Variants in EMP2 observed in about 807,000 individuals in gnomAD.
The protein encoded by EMP2 is epithelial membrane protein 2.
A neutral mutation model predicts 13.7 loss-of-function variants in EMP2; 19 were observed. That is an observed-to-expected ratio of 1.38 (90% CI 0.97 to 2.03). The LOEUF (loss-of-function observed/expected upper bound fraction) is 2.03. EMP2 is among the 30% of genes most tolerant of loss of function. The probability of loss-of-function intolerance (pLI) is 0.00; values close to 1 mark genes in which losing one functional copy is unlikely to be tolerated. For missense variants in EMP2, 253 were observed against 220.7 expected (o/e 1.15, Z -0.93); for synonymous variants, 97 against 84.7 (o/e 1.15, Z -0.80).
At chr16:10,573,942 T>TG (rs2050964972) in intron 1 of EMP2, among the ~76,000 whole-genome samples, 5 of 141,260 alleles carry the variant, frequency 3.5e-5, no homozygotes, top group African/African-American at 1.1e-4. Context: ...TTTTTTTTTT[T>TG]TTTTTTTTTT....
Position 10,531,348 on chromosome 16 carries a change from T to C in EMP2, c.*1557A>G, listed in dbSNP as rs367727964. 3.9e-5 allele frequency: 6 copies of C among 153,288 alleles called. No individual in the cohort carries two copies. In the Middle Eastern group the frequency reaches 0.017, roughly 429 times the overall value. The allele number at this position is 153,288 out of a possible 1,614,324, so 9.5% of individuals were successfully genotyped here. A position where few individuals can be genotyped will look rare whatever the true frequency, so the allele number is the denominator to read the frequency against. ...TAGTTTCTTTTCTTTTTTTTCTTTT[T>C]TTGAGATGGAGTCTCACTCTGTCAC... On this transcript the variant is annotated 3_prime_UTR_variant, in exon 5 of 5. Coordinates refer to ENST00000359543, the MANE Select transcript of EMP2 (RefSeq NM_001424.6).
At position 10,533,014 on chromosome 16, in the gene EMP2, G is replaced by C. The variant is rs141680568; in HGVS notation, c.395C>G (p.Pro132Arg). 15 of 1,611,398 alleles carry C rather than the reference G, an allele frequency of 9.3e-6. No homozygotes were observed. The African/African-American group carries it at 1.9e-4, about 20-fold the overall frequency. Residue 132 changes from proline to arginine, a missense_variant, in exon 5 of 5, where the codon CCC (proline) becomes CGC (arginine). Transcript: ENST00000359543. ...GCCGTAGCTGCCTTCTCTGGTCACG[G>C]GATAGAATTTCGCGTTTTTGTCGTG... Reference protein sequence around the residue: ...DIHDKNAKFYPVTREGSYGYS... With the variant: ...DIHDKNAKFYRVTREGSYGYS...
At chr16:10,569,070 G>A (rs765510671) in intron 1 of EMP2, among the ~76,000 whole-genome samples, 28 of 152,162 alleles carry the variant, frequency 1.8e-4, no homozygotes, top group Non-Finnish European at 3.4e-4. Flanking sequence ...TTACAGGCGT[G>A]AGCCACCGCG....
chr16:10,537,847 C>A, intron 4 of EMP2, 81 bp downstream of exon 4: 2 of 1,565,262 alleles, frequency 1.3e-6, no homozygotes, highest in Non-Finnish European at 1.7e-6. Context: ...TCTCCCTCCT[C>A]CTGGCTTCCC....
intron 3 of EMP2, among the ~76,000 whole-genome samples, chr16:10,541,041 T>C (rs1320009803): frequency 6.6e-6 from 1 of 151,968 alleles, no homozygotes. Flanking sequence ...TGAGCTGTGA[T>C]TGCACCACTG....
intron 1 of EMP2, among the ~76,000 whole-genome samples, chr16:10,568,531 G>A (rs1157001175): frequency 6.6e-6 from 1 of 152,126 alleles, no homozygotes; most frequent in Non-Finnish European, 1.5e-5. Context: ...GGCAAATCCT[G>A]TCCCACTAAC....
chr16:10,538,766 T>G (rs1429441913), intron 3 of EMP2, among the ~76,000 whole-genome samples: 1 of 152,134 alleles, frequency 6.6e-6, no homozygotes, highest in East Asian at 1.9e-4. Flanking sequence ...GAAGGCATCC[T>G]GCACATGGGT....
At chr16:10,545,292 A>C (rs984442687) in intron 2 of EMP2, 3 of 152,274 alleles carry the variant, frequency 2.0e-5, no homozygotes, top group Non-Finnish European at 2.9e-5. Flanking sequence ...TTTATTTCAC[A>C]GTGAGCTCCT....
chr16:10,551,207 C>A (rs1046187960), intron 1 of EMP2, among the ~76,000 whole-genome samples: 22 of 152,084 alleles, frequency 1.4e-4, no homozygotes, highest in African/African-American at 5.3e-4. Context: ...ATGGATTTGT[C>A]TATTTTAGAT....
intron 1 of EMP2, among the ~76,000 whole-genome samples, chr16:10,564,703 C>A (rs1235503516): frequency 1.3e-5 from 2 of 151,922 alleles, no homozygotes; most frequent in African/African-American, 4.8e-5. Flanking sequence ...CCACCACCAC[C>A]ATTCTCAGAA....
Position 10,578,416 on chromosome 16 carries a change from G to A in EMP2, c.-61+2133C>T, listed in dbSNP as rs551150523. Among the ~76,000 whole-genome samples, 4 of 152,338 alleles carry A rather than the reference G, an allele frequency of 2.6e-5. No homozygotes were observed. The East Asian group carries it at 7.7e-4, about 29-fold the overall frequency. Reference sequence around the variant, plus strand: ...GATTTAAGTGCCATTACTGGGGTGAGGGTGGAGAAGCGGGGGCGGTTTGCT... The same window carrying A: ...GATTTAAGTGCCATTACTGGGGTGAAGGTGGAGAAGCGGGGGCGGTTTGCT... On this transcript the variant is annotated intron_variant, in intron 1 of 4. Transcript: ENST00000359543.
intron 1 of EMP2, among the ~76,000 whole-genome samples, chr16:10,576,158 C>T (rs1012844029): frequency 6.6e-6 from 1 of 151,918 alleles, no homozygotes; most frequent in East Asian, 1.9e-4. Context: ...GGTTTGTGTG[C>T]TACTTACATT....
At chr16:10,576,475 G>A (rs1036871752) in intron 1 of EMP2, 3 of 151,850 alleles carry the variant, frequency 2.0e-5, no homozygotes, top group Admixed American at 1.3e-4. Flanking sequence ...GCACTGAGAC[G>A]CTTGGCTTGT....
chr16:10,536,435 C>A (rs2050647740), intron 4 of EMP2, among the ~76,000 whole-genome samples: 1 of 152,128 alleles, frequency 6.6e-6, no homozygotes, highest in African/African-American at 2.4e-5. Flanking sequence ...TTCCCCCATA[C>A]TGTTCTTGTG....
intron 1 of EMP2, chr16:10,576,745 C>T (rs1007100631): frequency 3.3e-5 from 5 of 152,206 alleles, no homozygotes; most frequent in Non-Finnish European, 5.9e-5. Context: ...CAATTATTCA[C>T]TTTAGCAGCT....
At chr16:10,572,433 C>T (rs952369485) in intron 1 of EMP2, among the ~76,000 whole-genome samples, 5 of 150,524 alleles carry the variant, frequency 3.3e-5, no homozygotes, top group Non-Finnish European at 5.9e-5. Context: ...GGTGACCCAG[C>T]GAGATCCTGT....
chr16:10,537,219 C>T (rs1448864341), intron 4 of EMP2, among the ~76,000 whole-genome samples: 2 of 152,224 alleles, frequency 1.3e-5, no homozygotes, highest in African/African-American at 4.8e-5. Flanking sequence ...AACAAATGAT[C>T]ATGGTGTGGC....
chr16:10,549,392 A>G (rs1198037374), intron 1 of EMP2, among the ~76,000 whole-genome samples: 1 of 152,208 alleles, frequency 6.6e-6, no homozygotes, highest in African/African-American at 2.4e-5. Context: ...CATTCAAAAG[A>G]ATGCTTTAAC....
intron 3 of EMP2, 36 bp downstream of exon 3, chr16:10,543,534 A>G (rs1437651851): frequency 4.4e-6 from 7 of 1,607,230 alleles, no homozygotes; most frequent in Admixed American, 1.7e-5. Flanking sequence ...TTCCTCCCTC[A>G]GTGCTTCTCA....
Sources: allele counts gnomAD v4.1 joint callset (sites outside exome capture counted in the v4.1 genomes callset), GRCh38; gene constraint gnomAD v4.1.1; transcripts MANE v1.5; gene names NCBI Gene and HGNC (gene_info 2026-07-23, HGNC 2026-07-21).